GLRA3: variants seen among roughly 807,000 people sequenced by gnomAD.
GLRA3 encodes the protein glycine receptor alpha 3, also known as glycine receptor subunit alpha-3.
Under a neutral mutation model 60.4 loss-of-function variants are expected in GLRA3, and 44 were observed. That is an observed-to-expected ratio of 0.73 (90% CI 0.57 to 0.94). GLRA3 has a LOEUF of 0.94. Among genes scored for constraint, GLRA3 ranks in the 40% least tolerant of loss-of-function variants. The pLI is 0.00. For missense variants in GLRA3, 508 were observed against 564.6 expected (o/e 0.90, Z 1.02); for synonymous variants, 223 against 192.9 (o/e 1.16, Z -1.29).
intron 2 of GLRA3, among the ~76,000 whole-genome samples, chr4:174,776,688 T>C (rs1738618065): frequency 6.6e-6 from 1 of 152,182 alleles, no homozygotes. Context: ...ATCGTTAGTG[T>C]TGAGGGTGAA....
At chr4:174,736,038 G>A (rs1561086054) in intron 3 of GLRA3, among the ~76,000 whole-genome samples, 1 of 151,984 alleles carries the variant, frequency 6.6e-6, no homozygotes, top group East Asian at 1.9e-4. Context: ...CTTCAAATCA[G>A]ATTTCTAAGA....
intron 6 of GLRA3, among the ~76,000 whole-genome samples, chr4:174,682,374 C>A (rs72706158): frequency 1.3e-5 from 2 of 151,584 alleles, no homozygotes; most frequent in African/African-American, 4.8e-5. Flanking sequence ...CTGAAATGCA[C>A]GAAAATATGA....
chr4:174,710,447 A>C (rs560174538), intron 5 of GLRA3, among the ~76,000 whole-genome samples: 1 of 152,188 alleles, frequency 6.6e-6, no homozygotes, highest in Admixed American at 6.5e-5. Flanking sequence ...AGTTCTCCCG[A>C]TTGAGAGGAA....
chr4:174,806,493 A>C (rs111756402), intron 1 of GLRA3, among the ~76,000 whole-genome samples: 2,005 of 152,254 alleles, frequency 0.013, 47 homozygotes, highest in African/African-American at 0.045. Flanking sequence ...CTGTGGATTC[A>C]AAAAACCAGA....
chr4:174,650,197 T>C (rs1421143978), intron 9 of GLRA3, among the ~76,000 whole-genome samples: 1 of 152,192 alleles, frequency 6.6e-6, no homozygotes. Context: ...TTCTGCTTTC[T>C]ATTATTAAAA....
intron 3 of GLRA3, among the ~76,000 whole-genome samples, chr4:174,732,235 G>A (rs564774991): frequency 1.2e-3 from 182 of 152,074 alleles, no homozygotes; most frequent in Middle Eastern, 3.4e-3. Flanking sequence ...TGCGCCTGTA[G>A]TCCCAGCTAC....
At chr4:174,755,734 G>C (rs1382654656) in intron 3 of GLRA3, among the ~76,000 whole-genome samples, 1 of 152,048 alleles carries the variant, frequency 6.6e-6, no homozygotes, top group Admixed American at 6.5e-5. Flanking sequence ...TTAAGATATA[G>C]AGAAAGCAAT....
chr4:174,695,401 G>A (rs570889579), intron 5 of GLRA3, among the ~76,000 whole-genome samples: 39 of 152,128 alleles, frequency 2.6e-4, no homozygotes, highest in African/African-American at 7.2e-4. Flanking sequence ...TGATCAAGTA[G>A]GCTTCATTCC....
At chr4:174,791,372 T>C (rs1472787637) in intron 1 of GLRA3, among the ~76,000 whole-genome samples, 1 of 152,074 alleles carries the variant, frequency 6.6e-6, no homozygotes, top group African/African-American at 2.4e-5. Flanking sequence ...ACACCTTGAT[T>C]TTGACCCAGT....
Position 174,829,137 on chromosome 4 carries a change from C to T in GLRA3, c.-326G>A, listed in dbSNP as rs559850616. ...AGCAAAGGAAGAATGTTCGTTCTTC[C>T]CTGACTGAGACCCAGGATTGGAGGA... On this transcript the variant is annotated 5_prime_UTR_variant, in exon 1 of 10. Coordinates refer to ENST00000274093, the MANE Select transcript of GLRA3 (RefSeq NM_006529.4). 1.4e-4 allele frequency: 30 copies of T among 207,828 alleles called. No individual in the cohort carries two copies. The East Asian group carries it at 3.6e-3, about 25-fold the overall frequency. The allele number at this position is 207,828 out of a possible 1,614,324, so 12.9% of individuals were successfully genotyped here.
intron 9 of GLRA3, among the ~76,000 whole-genome samples, chr4:174,652,654 A>C (rs372153173): frequency 2.4e-4 from 36 of 152,198 alleles, no homozygotes; most frequent in African/African-American, 8.7e-4. Flanking sequence ...ATTTTATTTC[A>C]ATTATTATGC....
intron 1 of GLRA3, among the ~76,000 whole-genome samples, chr4:174,803,716 G>A (rs1229251191): frequency 6.6e-6 from 1 of 152,152 alleles, no homozygotes; most frequent in Non-Finnish European, 1.5e-5. Context: ...TAATTGAAAT[G>A]AAGAGAAATC....
intron 5 of GLRA3, chr4:174,713,583 A>C (rs1215331744): frequency 6.6e-6 from 1 of 152,156 alleles, no homozygotes; most frequent in Non-Finnish European, 1.5e-5. Context: ...TGCTTTTTTC[A>C]AGTACCTTAC....
chr4:174,791,003 C>CAAAAA (rs34671364), intron 1 of GLRA3, among the ~76,000 whole-genome samples: 1 of 108,222 alleles, frequency 9.2e-6, no homozygotes, highest in African/African-American at 3.3e-5. Flanking sequence ...GACTCCATCT[C>CAAAAA]AAAAAAAAAA....
At chr4:174,805,797 T>G (rs778942761) in intron 1 of GLRA3, among the ~76,000 whole-genome samples, 1 of 152,222 alleles carries the variant, frequency 6.6e-6, no homozygotes, top group Non-Finnish European at 1.5e-5. Context: ...TTTATTATTT[T>G]TATGGATATT....
chr4:174,790,844 A>G (rs1316361122), intron 1 of GLRA3, among the ~76,000 whole-genome samples: 1 of 146,960 alleles, frequency 6.8e-6, no homozygotes, highest in African/African-American at 2.6e-5. Context: ...AAAAAAAAAA[A>G]AAGAAAGAAA....
intron 3 of GLRA3, among the ~76,000 whole-genome samples, chr4:174,746,634 A>G (rs760216893): frequency 3.9e-5 from 6 of 152,196 alleles, no homozygotes; most frequent in Non-Finnish European, 5.9e-5. Flanking sequence ...TATATTTCAC[A>G]GTAACTGGAA....
chr4:174,810,176 A>G (rs1392929041), intron 1 of GLRA3, among the ~76,000 whole-genome samples: 1 of 152,160 alleles, frequency 6.6e-6, no homozygotes, highest in Non-Finnish European at 1.5e-5. Flanking sequence ...AAATTGGTAA[A>G]TTACATGCTA....
intron 3 of GLRA3, among the ~76,000 whole-genome samples, chr4:174,748,970 T>C (rs1241302425): frequency 1.3e-5 from 2 of 152,224 alleles, no homozygotes; most frequent in South Asian, 2.1e-4. Context: ...ATTCTGAGTT[T>C]CTACTTGCAA....
Sources: allele counts gnomAD v4.1 joint callset (sites outside exome capture counted in the v4.1 genomes callset), GRCh38; gene constraint gnomAD v4.1.1; transcripts MANE v1.5; gene names NCBI Gene and HGNC (gene_info 2026-07-23, HGNC 2026-07-21).